PSMD11: variants seen among roughly 807,000 people sequenced by gnomAD.
The protein encoded by PSMD11 is proteasome 26S subunit, non-ATPase 11.
A neutral mutation model predicts 62.3 loss-of-function variants in PSMD11; 5 were observed. The observed-to-expected ratio is 0.08, with a 90% CI of 0.04 to 0.17. PSMD11 has a LOEUF of 0.17. PSMD11 is among the 10% of genes least tolerant of loss of function. The pLI, the probability that PSMD11 is intolerant of heterozygous loss-of-function variation, is 1.00. For synonymous variants in PSMD11, 191 were observed against 191.8 expected, an observed-to-expected ratio of 1.00 and a Z score of 0.03; for missense variants, 310 against 512.9, an observed-to-expected ratio of 0.60 and a Z score of 3.82.
chr17:32,457,010 C>T (rs1253614949), intron 3 of PSMD11, among the ~76,000 whole-genome samples: 1 of 152,158 alleles, frequency 6.6e-6, no homozygotes, highest in Non-Finnish European at 1.5e-5. Flanking sequence ...TTGTGGAAAT[C>T]CATTCAAGTG....
Position 32,481,666 on chromosome 17 carries a change from C to T in PSMD11, c.*914C>T, listed in dbSNP as rs903846314. ...TCATGTCTCTCTGCCTTCCTCCTCT[C>T]CCCTCCAGGGGAGTCAGGCTGTCTG... On this transcript the variant is annotated 3_prime_UTR_variant, in exon 14 of 14. Transcript: ENST00000261712. 6.6e-6 allele frequency: 1 copy of T among 152,232 alleles called. No homozygotes were observed. The highest frequency in any genetic ancestry group is 1.5e-5 in the Non-Finnish European group (1 of 68,054). The allele number at this position is 152,232 out of a possible 1,614,324, so 9.4% of individuals were successfully genotyped here.
intron 6 of PSMD11, 86 bp from the exon 7 acceptor site, chr17:32,473,715 G>A: frequency 7.0e-7 from 1 of 1,423,730 alleles, no homozygotes. Flanking sequence ...TGCCCATTTA[G>A]GTAGATGTCT....
rs1187931950 is a variant in PSMD11, at chr17:32,482,161, T to A, written c.*1409T>A. 1 of 152,142 alleles carries A rather than the reference T, an allele frequency of 6.6e-6. No individual in the cohort carries two copies. Among genetic ancestry groups the A allele is most frequent in the African/African-American group, 2.4e-5 (1 of 41,420 alleles). The allele number at this position is 152,142 out of a possible 1,614,324, so 9.4% of individuals were successfully genotyped here. ...AAATTTATATTTTGTAAAAGGATTT[T>A]GTTGTACCAGGTTTTGCATCCTCAC... On this transcript the variant is annotated 3_prime_UTR_variant, in exon 14 of 14. Coordinates refer to ENST00000261712, the MANE Select transcript of PSMD11 (RefSeq NM_002815.4).
At chr17:32,458,319 C>T (rs1484831150) in intron 3 of PSMD11, among the ~76,000 whole-genome samples, 2 of 152,272 alleles carry the variant, frequency 1.3e-5, no homozygotes, top group South Asian at 2.1e-4. Context: ...CCTACTGCAA[C>T]CTACTGCAGT....
rs1907439438 is a variant in PSMD11 at position 32,449,924 on chromosome 17, TG to T, written c.193+2882del. Reference sequence around the variant, plus strand: ...GGATCCCTGGCCAACAAAAATCACTTGGGGATTACCAAATAAAACAATGTCT... The same window carrying T: ...GGATCCCTGGCCAACAAAAATCACTTGGGATTACCAAATAAAACAATGTCT... On this transcript the variant is annotated intron_variant, in intron 2 of 13. Coordinates refer to ENST00000261712, the MANE Select transcript of PSMD11 (RefSeq NM_002815.4). 3.9e-5 allele frequency among the ~76,000 whole-genome samples: 6 copies of T among 152,338 alleles called. 1 individual carries two copies. The South Asian group carries it at 1.2e-3, about 32-fold the overall frequency.
At chr17:32,469,544 G>T (rs1908099012) in intron 6 of PSMD11, among the ~76,000 whole-genome samples, 1 of 151,414 alleles carries the variant, frequency 6.6e-6, no homozygotes, top group African/African-American at 2.5e-5. Context: ...GGAGATCTTT[G>T]TAAAGTTGGT....
At chr17:32,446,106 G>A (rs928002169) in intron 1 of PSMD11, 1 of 152,106 alleles carries the variant, frequency 6.6e-6, no homozygotes, top group Non-Finnish European at 1.5e-5. Flanking sequence ...TATTCTAGGG[G>A]AGAGTTCCCT....
chr17:32,483,149 C>T lies in PSMD11; in HGVS notation c.*2397C>T, dbSNP rs1908556736. 6.6e-6 allele frequency: 1 copy of T among 152,180 alleles called. No homozygotes were observed. The highest frequency in any genetic ancestry group is 2.1e-4 in the South Asian group (1 of 4,826). 9.4% of individuals were successfully genotyped at this position (152,180 alleles called of 1,614,324 possible). A position where few individuals can be genotyped will look rare whatever the true frequency, so the allele number is the denominator to read the frequency against. Reference sequence around the variant, plus strand: ...GCCATGTGCAGCTGTCAGGCCCTTGCAACGTGGCTGGTTCGAGCTGTGATA... The same window carrying T: ...GCCATGTGCAGCTGTCAGGCCCTTGTAACGTGGCTGGTTCGAGCTGTGATA... On this transcript the variant is annotated 3_prime_UTR_variant, in exon 14 of 14. Transcript: ENST00000261712.
At chr17:32,474,070 G>A in intron 7 of PSMD11, 125 bp downstream of exon 7, 2 of 1,211,936 alleles carry the variant, frequency 1.7e-6, no homozygotes, top group East Asian at 2.4e-5. Context: ...GCGGCCTCTA[G>A]GGCTGGCTAA....
chr17:32,480,338 G>A, intron 12 of PSMD11, 141 bp downstream of exon 12: 4 of 1,442,862 alleles, frequency 2.8e-6, no homozygotes, highest in Non-Finnish European at 3.9e-6. Flanking sequence ...TGATGAGAAT[G>A]TGTAATAAGC....
In PSMD11 at chr17:32,480,197, GGTAA is replaced by G. The variant is rs756721895; in HGVS notation, c.1126+5_1126+8del. The G allele has an allele frequency of 6.6e-5, 106 of 1,612,920 alleles. No individual in the cohort carries two copies. Among genetic ancestry groups the G allele is most frequent in the African/African-American group, 8.0e-5 (6 of 74,896 alleles). On this transcript the variant is annotated splice_donor_variant and splice_donor_region_variant and intron_variant, in intron 12 of 13. Coordinates refer to ENST00000261712, the MANE Select transcript of PSMD11 (RefSeq NM_002815.4). LOFTEE classifies it high-confidence loss of function. ...GATGATTCTTGACAAGAAATTTCAT[GGTAA>G]GTAACAGTCACACAGGCAAGGGGGC...
intron 3 of PSMD11, among the ~76,000 whole-genome samples, chr17:32,460,750 T>G (rs1907808785): frequency 7.6e-6 from 1 of 130,886 alleles, no homozygotes; most frequent in East Asian, 2.0e-4. Flanking sequence ...GGTGAGACAC[T>G]GTCTCAAAAA....
intron 3 of PSMD11, among the ~76,000 whole-genome samples, chr17:32,462,654 G>A (rs1044537999): frequency 2.0e-5 from 3 of 152,146 alleles, no homozygotes; most frequent in Non-Finnish European, 4.4e-5. Context: ...TTTGGATTAT[G>A]TCCCTATAGT....
chr17:32,457,152 T>C (rs1907676630), intron 3 of PSMD11, among the ~76,000 whole-genome samples: 1 of 152,232 alleles, frequency 6.6e-6, no homozygotes, highest in Non-Finnish European at 1.5e-5. Flanking sequence ...AGTAAAGACC[T>C]TTCTTCCTTT....
At chr17:32,465,264 G>T (rs1208144249) in intron 5 of PSMD11, among the ~76,000 whole-genome samples, 1 of 152,084 alleles carries the variant, frequency 6.6e-6, no homozygotes, top group Admixed American at 6.5e-5. Flanking sequence ...GGGACTGCAG[G>T]CATGTGCCTG....
chr17:32,473,532 A>G (rs1464835913), intron 6 of PSMD11, among the ~76,000 whole-genome samples: 2 of 151,818 alleles, frequency 1.3e-5, no homozygotes, highest in Non-Finnish European at 2.9e-5. Context: ...CGCCTGCCTC[A>G]GCCTCCCAAA....
chr17:32,474,861 A>T (rs750049222), intron 8 of PSMD11, 37 bp downstream of exon 8: 1 of 1,578,050 alleles, frequency 6.3e-7, no homozygotes, highest in South Asian at 1.1e-5. Context: ...GCTCACTCTG[A>T]GACCAGCATG....
At chr17:32,446,899 AT>A (rs770043297) in intron 1 of PSMD11, 45 bp from the exon 2 acceptor site, 7 of 1,411,640 alleles carry the variant, frequency 5.0e-6, no homozygotes, top group East Asian at 2.5e-5. Flanking sequence ...CTCAGTCTTC[AT>A]TTTTTGGTCA....
At chr17:32,475,027 A>G (rs548446598) in intron 8 of PSMD11, among the ~76,000 whole-genome samples, 6 of 152,112 alleles carry the variant, frequency 3.9e-5, no homozygotes, top group East Asian at 3.9e-4. Flanking sequence ...TGGTGCTCTT[A>G]TGGACATCAC....
Sources: gnomAD v4.1 joint callset for allele counts (sites outside exome capture counted in the v4.1 genomes callset) on GRCh38, gnomAD v4.1.1 for gene constraint, MANE v1.5 for transcripts, NCBI Gene and HGNC (gene_info 2026-07-23, HGNC 2026-07-21) for gene names.